Variants in DRC8 observed in about 807,000 individuals in gnomAD.
The protein encoded by DRC8 is dynein regulatory complex subunit 8.
the DRC8 span, among the ~76,000 whole-genome samples, chr1:245,080,826 A>G: frequency 7.4e-4 from 112 of 152,296 alleles, no homozygotes; most frequent in African/African-American, 2.5e-3. Flanking sequence ...TTCTCAGGCT[A>G]GCAACCTTAT....
the DRC8 span, among the ~76,000 whole-genome samples, chr1:245,041,618 C>T: frequency 6.6e-6 from 1 of 152,064 alleles, no homozygotes; most frequent in African/African-American, 2.4e-5. Context: ...GTTTTAAAGT[C>T]TTAACCTCCA....
chr1:245,080,222 T>A, the DRC8 span, among the ~76,000 whole-genome samples: 1 of 151,988 alleles, frequency 6.6e-6, no homozygotes, highest in Non-Finnish European at 1.5e-5. Context: ...TTAATAGGAG[T>A]CTTGAGAGGG....
At chr1:245,035,208 T>C in the DRC8 span, among the ~76,000 whole-genome samples, 2 of 151,776 alleles carry the variant, frequency 1.3e-5, no homozygotes, top group Non-Finnish European at 2.9e-5. Flanking sequence ...TTAAACAAAT[T>C]GACAGTTAAT....
the DRC8 span, among the ~76,000 whole-genome samples, chr1:245,054,703 T>G: frequency 1.5e-3 from 233 of 152,260 alleles, 2 homozygotes; most frequent in East Asian, 0.01. Context: ...ACATTCTACG[T>G]AGAGGAGCTC....
the DRC8 span, chr1:245,087,234 G>T: frequency 6.3e-7 from 1 of 1,597,394 alleles, no homozygotes; most frequent in Admixed American, 1.9e-5. Context: ...TTTCCTTTTT[G>T]TCTCTCTGAG....
At chr1:245,010,320 T>A in the DRC8 span, among the ~76,000 whole-genome samples, 3 of 152,224 alleles carry the variant, frequency 2.0e-5, no homozygotes, top group Non-Finnish European at 4.4e-5. Flanking sequence ...AGTTGCACAC[T>A]GGAATGAACA....
chr1:245,041,987 T>C, the DRC8 span, among the ~76,000 whole-genome samples: 1 of 152,214 alleles, frequency 6.6e-6, no homozygotes. Context: ...TAATTTGTTA[T>C]GGCAGCCCTA....
the DRC8 span, among the ~76,000 whole-genome samples, chr1:245,008,670 CTTTTTTTT>C: frequency 2.7e-4 from 37 of 139,348 alleles, no homozygotes; most frequent in Non-Finnish European, 4.4e-4. Flanking sequence ...TGTTCTCACA[CTTTTTTTT>C]TTTTTTTTTT....
At chr1:245,045,448 C>T in the DRC8 span, among the ~76,000 whole-genome samples, 5 of 152,340 alleles carry the variant, frequency 3.3e-5, no homozygotes, top group East Asian at 1.9e-4. Flanking sequence ...AATGAAAGTA[C>T]ACTCCACAGT....
At chr1:245,080,108 G>A in the DRC8 span, among the ~76,000 whole-genome samples, 1 of 152,184 alleles carries the variant, frequency 6.6e-6, no homozygotes, top group East Asian at 1.9e-4. Context: ...TTGGATGATG[G>A]TGTGTTCCAC....
At chr1:244,978,753 G>T in the DRC8 span, among the ~76,000 whole-genome samples, 1 of 152,176 alleles carries the variant, frequency 6.6e-6, no homozygotes, top group African/African-American at 2.4e-5. Flanking sequence ...GCCTCCCAAA[G>T]TGCTGGGATT....
the DRC8 span, among the ~76,000 whole-genome samples, chr1:245,121,306 G>A: frequency 2.0e-5 from 3 of 152,202 alleles, no homozygotes; most frequent in Admixed American, 6.6e-5. Context: ...ACCCATAAAA[G>A]GAATTAACTG....
chr1:245,095,802 TA>T, the DRC8 span, among the ~76,000 whole-genome samples: 1 of 152,224 alleles, frequency 6.6e-6, no homozygotes, highest in African/African-American at 2.4e-5. Context: ...TCACTTAGAA[TA>T]CATTCCGAAA....
chr1:245,061,137 A>G, the DRC8 span, among the ~76,000 whole-genome samples: 1 of 152,376 alleles, frequency 6.6e-6, no homozygotes, highest in Non-Finnish European at 1.5e-5. Flanking sequence ...GCTACCACTT[A>G]TAGCCATGTG....
the DRC8 span, among the ~76,000 whole-genome samples, chr1:244,994,134 T>C: frequency 6.6e-6 from 1 of 152,224 alleles, no homozygotes; most frequent in African/African-American, 2.4e-5. Flanking sequence ...TTAGACTCTT[T>C]GTCATCTTTT....
chr1:245,008,898 G>T, the DRC8 span, among the ~76,000 whole-genome samples: 2 of 151,728 alleles, frequency 1.3e-5, no homozygotes, highest in Non-Finnish European at 2.9e-5. Flanking sequence ...ATGTTGCTTA[G>T]GCTGGCCCCA....
the DRC8 span, among the ~76,000 whole-genome samples, chr1:245,081,146 TA>T: frequency 6.7e-6 from 1 of 149,676 alleles, no homozygotes; most frequent in Non-Finnish European, 1.5e-5. Flanking sequence ...ATTTATTTTT[TA>T]TTTTTTTATT....
At chr1:245,001,720 T>G in the DRC8 span, among the ~76,000 whole-genome samples, 4 of 152,228 alleles carry the variant, frequency 2.6e-5, no homozygotes, top group Non-Finnish European at 4.4e-5. Context: ...AAGGATGAAG[T>G]TGAAGGCACA....
At chr1:245,112,323 C>A in the DRC8 span, among the ~76,000 whole-genome samples, 1 of 152,376 alleles carries the variant, frequency 6.6e-6, no homozygotes, top group African/African-American at 2.4e-5. Flanking sequence ...ATCTGCCTGC[C>A]TCGGCCTCCC....
Sources: allele counts gnomAD v4.1 joint callset (sites outside exome capture counted in the v4.1 genomes callset), GRCh38; gene constraint gnomAD v4.1.1; transcripts MANE v1.5; gene names NCBI Gene and HGNC (gene_info 2026-07-23, HGNC 2026-07-21).